The following CFAP45 variants were observed in gnomAD, a reference collection of about 807,000 sequenced individuals.
CFAP45 encodes cilia- and flagella-associated protein 45.
CFAP45 carries 43 observed loss-of-function variants against 75.6 expected under a neutral mutation model. The ratio of observed to expected loss-of-function variants is 0.57; its 90% CI spans 0.45 to 0.73. The LOEUF is 0.73. Ranked by LOEUF, CFAP45 falls within the 30% of genes least tolerant of loss-of-function variation. The probability of loss-of-function intolerance (pLI) is 0.00; values close to 1 mark genes in which losing one functional copy is unlikely to be tolerated. For synonymous variants in CFAP45, 223 were observed against 244.6 expected (o/e 0.91, Z 0.82); for missense variants, 689 against 701.5 (o/e 0.98, Z 0.20).
chr1:159,894,102 A>T lies in CFAP45; in HGVS notation c.4-797T>A, dbSNP rs115748709. Among the ~76,000 whole-genome samples, 1,378 of 152,276 alleles carry T rather than the reference A, an allele frequency of 9.0e-3. 18 individuals are homozygous for T. The highest frequency in any genetic ancestry group is 0.032 in the African/African-American group (1,321 of 41,548). The stretch of plus-strand genomic sequence containing the variant: ...CACACTATACCCCATAAATGTGTAC[A>T]ATCATTATGTGTCAATTAAAAACAA... On this transcript the variant is annotated intron_variant, in intron 1 of 11. Transcript: ENST00000368099.
intron 5 of CFAP45, 31 bp from the exon 6 acceptor site, chr1:159,886,720 G>A: frequency 6.3e-7 from 1 of 1,586,496 alleles, no homozygotes; most frequent in African/African-American, 1.3e-5. Context: ...TGTAGCACTA[G>A]GCCTAGGGAT....
intron 2 of CFAP45, among the ~76,000 whole-genome samples, chr1:159,892,676 G>C (rs937457398): frequency 6.6e-6 from 1 of 152,156 alleles, no homozygotes; most frequent in Non-Finnish European, 1.5e-5. Context: ...TAGACTAAAG[G>C]AGTTGTCCAC....
intron 11 of CFAP45, 115 bp from the exon 12 acceptor site, chr1:159,872,678 G>C (rs1649307958): frequency 1.1e-6 from 1 of 935,208 alleles, no homozygotes; most frequent in Non-Finnish European, 1.7e-6. Flanking sequence ...CCCCAACCCT[G>C]CTCTCACAAT....
intron 10 of CFAP45, 181 bp from the exon 11 acceptor site, chr1:159,873,349 G>A: frequency 1.7e-6 from 1 of 605,900 alleles, no homozygotes; most frequent in Non-Finnish European, 2.9e-6. Context: ...GCACATGCAT[G>A]CCCCCTTCTC....
At chr1:159,877,490 A>G in intron 8 of CFAP45, 28 bp from the exon 9 acceptor site, 1 of 1,489,920 alleles carries the variant, frequency 6.7e-7, no homozygotes, top group Non-Finnish European at 9.4e-7. Context: ...CTTGTAGAAT[A>G]GTTGCCATTG....
rs972327530 is a variant in CFAP45, at chr1:159,890,494, C to T, written c.258G>A (p.Met86Ile). Reference sequence around the variant, plus strand: ...GGTGTACTCACATGAGTTCTCGGACCATGTCCCGGGTGATGAGCTGGATGG... The same window carrying T: ...GGTGTACTCACATGAGTTCTCGGACTATGTCCCGGGTGATGAGCTGGATGG... ...PETIQLITRD[M>I]VRELIVPTED... Residue 86 changes from methionine (M) to isoleucine (I), a missense_variant, in exon 3 of 12, where the codon ATG (methionine) becomes ATA (isoleucine). Coordinates refer to ENST00000368099, the MANE Select transcript of CFAP45 (RefSeq NM_012337.3). 6.2e-7 allele frequency: 1 copy of T among 1,614,122 alleles called. No homozygotes were observed. The highest frequency in any genetic ancestry group is 8.5e-7 in the Non-Finnish European group (1 of 1,180,016).
intron 1 of CFAP45, chr1:159,898,218 G>C: frequency 1.0e-6 from 1 of 985,370 alleles, no homozygotes; most frequent in Non-Finnish European, 1.2e-6. Context: ...CTTTTACTCT[G>C]AGTGATCCAC....
rs779342917 is a variant in CFAP45 at position 159,900,137 on chromosome 1, C to G, written c.-39G>C. ...CGCCCTGACTCCGGACTTCTGCTGC[C>G]GCCTCGGCGCCGCCAAGGCCCTAGT... On this transcript the variant is annotated 5_prime_UTR_variant, in exon 1 of 12. Coordinates refer to ENST00000368099, the MANE Select transcript of CFAP45 (RefSeq NM_012337.3). The G allele has an allele frequency of 4.0e-5, 64 of 1,614,030 alleles. No individual in the cohort carries two copies. The East Asian group carries it at 7.6e-4, about 19-fold the overall frequency.
At chr1:159,890,721 A>T in intron 2 of CFAP45, 99 bp from the exon 3 acceptor site, 4 of 945,102 alleles carry the variant, frequency 4.2e-6, no homozygotes, top group Non-Finnish European at 6.5e-6. Context: ...CCTGTATCTG[A>T]GCATGGCTGG....
At chr1:159,893,527 T>G (rs1338440612) in intron 1 of CFAP45, among the ~76,000 whole-genome samples, 2 of 152,020 alleles carry the variant, frequency 1.3e-5, no homozygotes, top group Non-Finnish European at 2.9e-5. Context: ...AAAAGAGCTC[T>G]GCATAAAGCA....
chr1:159,873,111 C>A lies in CFAP45; in HGVS notation c.1410G>T (p.Gly470=), dbSNP rs1391233733. ...ERLEEEKKAT[G]RLQHANELRR... is the part of the protein sequence containing the mutation. ...GGAGCTCATTGGCATGCTGTAAGCG[C>A]CCTGTGGCCTTTTTCTCCTCCTCCA... Residue 470 remains glycine (G), a synonymous_variant, in exon 11 of 12, where the codon GGG becomes GGT. Coordinates refer to ENST00000368099, the MANE Select transcript of CFAP45 (RefSeq NM_012337.3). 6.2e-7 allele frequency: 1 copy of A among 1,614,162 alleles called. No individual in the cohort carries two copies. The highest frequency in any genetic ancestry group is 1.1e-5 in the South Asian group (1 of 91,088).
intron 2 of CFAP45, among the ~76,000 whole-genome samples, chr1:159,891,444 T>G (rs1042206807): frequency 1.3e-5 from 2 of 152,208 alleles, no homozygotes; most frequent in African/African-American, 2.4e-5. Flanking sequence ...TAAGGGTAGC[T>G]CTCTGCCAGC....
rs547705787 is a variant in CFAP45 at position 159,884,487 on chromosome 1, C to G, written c.846G>C (p.Glu282Asp). 7 of 1,613,982 alleles carry G rather than the reference C, an allele frequency of 4.3e-6. No individual in the cohort carries two copies. The Middle Eastern group carries it at 4.9e-4, about 114-fold the overall frequency. Residue 282 changes from glutamate to aspartate, a missense_variant, in exon 7 of 12, where the codon GAG becomes GAC. Glu to Asp is a conservative substitution (Grantham distance 45). Coordinates refer to ENST00000368099, the MANE Select transcript of CFAP45 (RefSeq NM_012337.3). The stretch of plus-strand genomic sequence containing the variant: ...CCATATATTCCAGCATCTGCTCCTT[C>G]TCCTGCTCCCGCTGCTCAGCAAGCA... ...RSLLAEQREQ[E>D]KEQMLEYMEQ...
intron 1 of CFAP45, among the ~76,000 whole-genome samples, chr1:159,893,974 T>C (rs1182212240): frequency 6.6e-6 from 1 of 152,058 alleles, no homozygotes; most frequent in African/African-American, 2.4e-5. Context: ...AGAGAGAATT[T>C]TGAGTGATCT....
At chr1:159,883,644 A>G (rs899904658) in intron 7 of CFAP45, among the ~76,000 whole-genome samples, 1 of 149,312 alleles carries the variant, frequency 6.7e-6, no homozygotes, top group Non-Finnish European at 1.5e-5. Context: ...ATATATATAT[A>G]TATATATATA....
intron 3 of CFAP45, among the ~76,000 whole-genome samples, chr1:159,888,710 C>T (rs1012797468): frequency 6.6e-6 from 1 of 152,086 alleles, no homozygotes; most frequent in Non-Finnish European, 1.5e-5. Context: ...ATTTTAAGTC[C>T]TTTTTCTATT....
chr1:159,897,866 A>AAAAC (rs959146400), intron 1 of CFAP45, among the ~76,000 whole-genome samples: 7 of 152,212 alleles, frequency 4.6e-5, no homozygotes, highest in African/African-American at 1.2e-4. Flanking sequence ...CCTAAAAAAG[A>AAAAC]AAACAAACAA....
Position 159,889,356 on chromosome 1 carries a change from G to A in CFAP45, c.273-860C>T, listed in dbSNP as rs531684381. On this transcript the variant is annotated intron_variant, in intron 3 of 11. Transcript: ENST00000368099. ...GACAGGTACATGCCAATAAGACACA[G>A]ACATCTGAGACAGGAAGTGAAACCT... 2.0e-5 allele frequency among the ~76,000 whole-genome samples: 3 copies of A among 152,262 alleles called. No homozygotes were observed. In the East Asian group the frequency reaches 5.8e-4, roughly 29 times the overall value.
At chr1:159,899,756 C>G (rs1020265005) in intron 1 of CFAP45, among the ~76,000 whole-genome samples, 3 of 152,074 alleles carry the variant, frequency 2.0e-5, no homozygotes, top group Non-Finnish European at 2.9e-5. Flanking sequence ...CGTAAGCCAC[C>G]GCGCCCGGCC....
Sources: gnomAD v4.1 joint callset for allele counts (sites outside exome capture counted in the v4.1 genomes callset) on GRCh38, gnomAD v4.1.1 for gene constraint, MANE v1.5 for transcripts, NCBI Gene and HGNC (gene_info 2026-07-23, HGNC 2026-07-21) for gene names.